Variants in COL19A1 observed in about 807,000 individuals in gnomAD.
COL19A1 encodes collagen type XIX alpha 1 chain.
Under a neutral mutation model 190.2 loss-of-function variants are expected in COL19A1, and 159 were observed. That is an observed-to-expected ratio of 0.84 (90% CI 0.73 to 0.95). COL19A1 has a LOEUF of 0.95. Ranked by LOEUF, COL19A1 falls within the 40% of genes least tolerant of loss-of-function variation. The pLI, the probability that COL19A1 is intolerant of heterozygous loss-of-function variation, is 0.00. For missense variants in COL19A1, 1,418 were observed against 1,431.9 expected (o/e 0.99, Z 0.16); for synonymous variants, 509 against 458.9 (o/e 1.11, Z -1.39).
intron 14 of COL19A1, among the ~76,000 whole-genome samples, chr6:70,040,036 A>C (rs769282543): frequency 2.0e-5 from 3 of 151,786 alleles, no homozygotes; most frequent in Non-Finnish European, 4.4e-5. Flanking sequence ...AAAGTGTTGG[A>C]ATTATAGGCA....
At chr6:70,020,845 G>C (rs577251482) in intron 11 of COL19A1, among the ~76,000 whole-genome samples, 2 of 152,210 alleles carry the variant, frequency 1.3e-5, no homozygotes, top group African/African-American at 2.4e-5. Flanking sequence ...TGGATGCATA[G>C]TTGATAGATC....
At chr6:69,948,525 C>A (rs1199918071) in intron 9 of COL19A1, among the ~76,000 whole-genome samples, 1 of 151,750 alleles carries the variant, frequency 6.6e-6, no homozygotes, top group African/African-American at 2.4e-5. Context: ...CTAGATGAAG[C>A]ATTCAGTAGA....
chr6:70,144,298 G>A (rs1164625884), intron 24 of COL19A1, 35 bp downstream of exon 24: 2 of 1,535,228 alleles, frequency 1.3e-6, no homozygotes, highest in South Asian at 1.1e-5. Flanking sequence ...TATATGTTAA[G>A]TAGATAGGAG....
At chr6:70,106,290 G>T (rs1783954292) in intron 16 of COL19A1, among the ~76,000 whole-genome samples, 1 of 151,396 alleles carries the variant, frequency 6.6e-6, no homozygotes, top group Non-Finnish European at 1.5e-5. Context: ...AGGACAACTT[G>T]TTTACCAAAA....
rs1450795549 is a variant in COL19A1 at position 70,058,457 on chromosome 6, C to G, written c.1171-9966C>G. 2.0e-5 allele frequency among the ~76,000 whole-genome samples: 3 copies of G among 152,008 alleles called. No individual in the cohort carries two copies. The East Asian group carries it at 5.8e-4, about 29-fold the overall frequency. ...GATTTTCTTTCTAGCACAGCTCTTC[C>G]TATTCTCTCTTATCAGTGCTTCCGG... On this transcript the variant is annotated intron_variant, in intron 14 of 50. Coordinates refer to ENST00000620364, the MANE Select transcript of COL19A1 (RefSeq NM_001858.6).
intron 35 of COL19A1, among the ~76,000 whole-genome samples, chr6:70,162,385 C>T (rs1287298784): frequency 6.6e-6 from 1 of 151,930 alleles, no homozygotes; most frequent in Non-Finnish European, 1.5e-5. Flanking sequence ...AATAAAATAC[C>T]TCTATTTTAG....
intron 14 of COL19A1, among the ~76,000 whole-genome samples, chr6:70,043,492 A>G (rs977066216): frequency 3.3e-5 from 5 of 152,072 alleles, no homozygotes; most frequent in African/African-American, 9.7e-5. Context: ...GCGCCCGGCC[A>G]CAAAATGTAT....
At chr6:70,075,318 A>G (rs187044214) in intron 15 of COL19A1, among the ~76,000 whole-genome samples, 109 of 152,328 alleles carry the variant, frequency 7.2e-4, no homozygotes, top group African/African-American at 2.2e-3. Flanking sequence ...GCAAATCTGC[A>G]TTTATCCCTG....
intron 4 of COL19A1, among the ~76,000 whole-genome samples, chr6:69,923,135 G>A (rs1421517902): frequency 6.6e-6 from 1 of 152,114 alleles, no homozygotes; most frequent in Non-Finnish European, 1.5e-5. Context: ...CTCAAAAAAA[G>A]CAATAAGAAC....
chr6:69,999,050 G>A (rs918448790), intron 11 of COL19A1, among the ~76,000 whole-genome samples: 15 of 151,398 alleles, frequency 9.9e-5, no homozygotes, highest in Non-Finnish European at 2.9e-5. Context: ...TCAGCCTCCC[G>A]AGTAGCTGGG....
intron 9 of COL19A1, among the ~76,000 whole-genome samples, chr6:69,950,674 CCACACACACACACACA>C (rs56757599): frequency 1.0e-4 from 14 of 136,140 alleles, no homozygotes; most frequent in South Asian, 2.5e-4. Context: ...ATGAATGCAG[CCACACACACACACACA>C]CACACACACA....
chr6:70,059,535 C>T (rs920324018), intron 14 of COL19A1, among the ~76,000 whole-genome samples: 1 of 152,146 alleles, frequency 6.6e-6, no homozygotes, highest in Admixed American at 6.6e-5. Flanking sequence ...AAATAATCAG[C>T]AGATTGTCCA....
At position 70,209,435 on chromosome 6, in the gene COL19A1, T is replaced by G. The variant is rs1768066238; in HGVS notation, c.*2161T>G. On this transcript the variant is annotated 3_prime_UTR_variant, in exon 51 of 51. Coordinates refer to ENST00000620364, the MANE Select transcript of COL19A1 (RefSeq NM_001858.6). ...TTTTTTTGTTTTTTGGTTTTTGAGT[T>G]GTTCTTGTCATAGACATAAAAAGAC... 1 of 152,176 alleles carries G rather than the reference T, an allele frequency of 6.6e-6. No individual in the cohort carries two copies. The highest frequency in any genetic ancestry group is 1.9e-4 in the East Asian group (1 of 5,204). 9.4% of individuals were successfully genotyped at this position (152,176 alleles called of 1,614,324 possible).
intron 11 of COL19A1, among the ~76,000 whole-genome samples, chr6:70,003,562 G>A (rs1777409692): frequency 6.6e-6 from 1 of 151,936 alleles, no homozygotes; most frequent in African/African-American, 2.4e-5. Flanking sequence ...CTCCTGTATT[G>A]GGTGCATATA....
chr6:70,029,819 G>A (rs890253272), intron 12 of COL19A1, among the ~76,000 whole-genome samples: 8 of 152,094 alleles, frequency 5.3e-5, no homozygotes, highest in Admixed American at 1.3e-4. Context: ...CATCAAACTG[G>A]TATAAAGCTG....
intron 14 of COL19A1, among the ~76,000 whole-genome samples, chr6:70,041,883 C>T (rs1779652678): frequency 6.6e-6 from 1 of 151,746 alleles, no homozygotes; most frequent in South Asian, 2.1e-4. Flanking sequence ...AAAACCTCAT[C>T]TCTACTACAA....
chr6:70,158,048 T>C (rs891158070), intron 34 of COL19A1, among the ~76,000 whole-genome samples: 6 of 152,114 alleles, frequency 3.9e-5, no homozygotes, highest in Non-Finnish European at 8.8e-5. Context: ...GTTCACAAAA[T>C]TGTACACAAT....
intron 1 of COL19A1, among the ~76,000 whole-genome samples, chr6:69,871,688 C>T (rs1767832104): frequency 6.6e-6 from 1 of 151,988 alleles, no homozygotes; most frequent in Admixed American, 6.6e-5. Flanking sequence ...GTACAATGAA[C>T]ACTTTAAATT....
intron 36 of COL19A1, 83 bp from the exon 37 acceptor site, chr6:70,165,858 C>A: frequency 1.6e-6 from 2 of 1,244,134 alleles, no homozygotes; most frequent in Non-Finnish European, 2.4e-6. Flanking sequence ...CAGAAGATGG[C>A]TCTGTGATTA....
Sources: gnomAD v4.1 joint callset for allele counts (sites outside exome capture counted in the v4.1 genomes callset) on GRCh38, gnomAD v4.1.1 for gene constraint, MANE v1.5 for transcripts, NCBI Gene and HGNC (gene_info 2026-07-23, HGNC 2026-07-21) for gene names.